The following PTCD3 variants were observed in gnomAD, a reference collection of about 807,000 sequenced individuals.
The protein encoded by PTCD3 is pentatricopeptide repeat domain 3.
Under a neutral mutation model 101.9 loss-of-function variants are expected in PTCD3, and 89 were observed. The ratio of observed to expected loss-of-function variants is 0.87; its 90% CI spans 0.74 to 1.04. PTCD3 has a LOEUF of 1.04. Ranked by LOEUF, PTCD3 falls within the 50% of genes least tolerant of loss-of-function variation. The pLI is 0.00. For missense variants in PTCD3, 870 were observed against 828.2 expected, an observed-to-expected ratio of 1.05 and a Z score of -0.62; for synonymous variants, 296 against 278.5, an observed-to-expected ratio of 1.06 and a Z score of -0.63.
rs759660903 is a variant in PTCD3 at position 86,125,481 on chromosome 2, C to T, written c.831C>T (p.Asn277=). ...ACCGAGCTTATGAGCAGGCATTAAA[C>T]TTGTACACTGAGTTACTAAACAACA... ...VKHRAYEQAL[N]LYTELLNNRL... The change falls in exon 11 of 24, where the codon AAC becomes AAT. Residue 277 remains asparagine (N), a synonymous_variant. Coordinates refer to ENST00000254630, the MANE Select transcript of PTCD3 (RefSeq NM_017952.6). 38 of 1,613,156 alleles carry T rather than the reference C, an allele frequency of 2.4e-5. 1 individual carries two copies. The African/African-American group carries it at 3.2e-4, about 14-fold the overall frequency.
rs1258744152 is a variant in PTCD3, at chr2:86,125,897, A to G, written c.951+17A>G. The G allele has an allele frequency of 6.5e-7, 1 of 1,541,338 alleles. No individual in the cohort carries two copies. Among genetic ancestry groups the G allele is most frequent in the East Asian group, 2.3e-5 (1 of 44,420 alleles). On this transcript the variant is annotated intron_variant, in intron 12 of 23. Transcript: ENST00000254630. ...AAAATACTGGTAAGGAGGAATCCTC[A>G]GTTTATTTTTTAATAGGGCTTAAAT... is the stretch of plus-strand genomic sequence containing the variant.
At position 86,137,015 on chromosome 2, in the gene PTCD3, A is replaced by C; in HGVS notation, c.1854A>C (p.Ala618=). 6.2e-7 allele frequency: 1 copy of C among 1,613,850 alleles called. No homozygotes were observed. Residue 618 remains alanine, a synonymous_variant, in exon 23 of 24, where the codon GCA becomes GCC. Coordinates refer to ENST00000254630, the MANE Select transcript of PTCD3 (RefSeq NM_017952.6). Reference sequence around the variant, plus strand: ...TGCTGAATGAGCTTATGGACAGTGCAAAAGTGTCTAACAGCCCTTCCCAGG... The same window carrying C: ...TGCTGAATGAGCTTATGGACAGTGCCAAAGTGTCTAACAGCCCTTCCCAGG... ...SELLNELMDS[A]KVSNSPSQAI...
chr2:86,133,029 C>T, intron 17 of PTCD3, 149 bp from the exon 18 acceptor site: 1 of 1,343,670 alleles, frequency 7.4e-7, no homozygotes, highest in Middle Eastern at 2.7e-4. Context: ...ACTGGCAGCT[C>T]TTAAACCAAA....
chr2:86,119,644 C>T (rs1488691242), intron 7 of PTCD3: 1 of 152,428 alleles, frequency 6.6e-6, no homozygotes, highest in Non-Finnish European at 1.5e-5. Context: ...GCGTGAGCCA[C>T]CGCGCCCAGC....
Position 86,137,104 on chromosome 2 carries a change from G to C in PTCD3, c.1943G>C (p.Arg648Thr), listed in dbSNP as rs1674600363. 1.3e-6 allele frequency: 2 copies of C among 1,596,938 alleles called. No homozygotes were observed. Among genetic ancestry groups the C allele is most frequent in the Non-Finnish European group, 1.7e-6 (2 of 1,173,144 alleles). The change falls in exon 23 of 24, where the codon AGA (arginine) becomes ACA (threonine). Residue 648 changes from arginine (R) to threonine (T), a missense_variant. By Grantham distance (71) the Arg-to-Thr change is moderately conservative. Coordinates refer to ENST00000254630, the MANE Select transcript of PTCD3 (RefSeq NM_017952.6). Reference protein sequence around the residue: ...SLPICEGLTQRVMSDFAINQE... With the variant: ...SLPICEGLTQTVMSDFAINQE... ...CCTATTTGTGAGGGCCTCACCCAGA[G>C]AGTAATGAGTGATTTTGCAATCAAC...
chr2:86,130,804 T>G, intron 15 of PTCD3, 67 bp downstream of exon 15: 1 of 1,582,088 alleles, frequency 6.3e-7, no homozygotes, highest in East Asian at 2.2e-5. Context: ...TGAGTACCAG[T>G]TAGAGGCCTT....
rs866741443 is a variant in PTCD3, at chr2:86,141,885, C to T, written c.*4326C>T. On this transcript the variant is annotated 3_prime_UTR_variant, in exon 24 of 24. Transcript: ENST00000254630. ...TCCCGGATAACCCTGGCCCTTGGGACTCCATCATCTCCTTGAAGTAGCACT... is the reference window on the plus strand; with the variant it reads ...TCCCGGATAACCCTGGCCCTTGGGATTCCATCATCTCCTTGAAGTAGCACT... 7 of 152,220 alleles carry T rather than the reference C, an allele frequency of 4.6e-5. No individual in the cohort carries two copies. The highest frequency in any genetic ancestry group is 8.8e-5 in the Non-Finnish European group (6 of 68,070). The allele number at this position is 152,220 out of a possible 1,614,324, so 9.4% of individuals were successfully genotyped here. A position where few individuals can be genotyped will look rare whatever the true frequency, so the allele number is the denominator to read the frequency against.
intron 8 of PTCD3, among the ~76,000 whole-genome samples, chr2:86,122,864 T>C (rs545164572): frequency 1.3e-5 from 2 of 152,350 alleles, no homozygotes; most frequent in East Asian, 3.9e-4. Context: ...GGCAGCAGGC[T>C]ACAGAGCCAA....
intron 1 of PTCD3, 31 bp downstream of exon 1, chr2:86,106,382 G>T: frequency 6.3e-7 from 1 of 1,599,966 alleles, no homozygotes; most frequent in South Asian, 1.1e-5. Flanking sequence ...CCGCGAAGAA[G>T]ACCGCGGAGT....
chr2:86,137,794 T>C lies in PTCD3; in HGVS notation c.*235T>C, dbSNP rs564808680. On this transcript the variant is annotated 3_prime_UTR_variant, in exon 24 of 24. Transcript: ENST00000254630. ...AAGGCTTAGCATTTAAGTAGCAACATTGCGGTTTTCAGACACATGGTGAGG... is the reference window on the plus strand; with the variant it reads ...AAGGCTTAGCATTTAAGTAGCAACACTGCGGTTTTCAGACACATGGTGAGG... 7 of 467,116 alleles carry C rather than the reference T, an allele frequency of 1.5e-5. No homozygotes were observed. The highest frequency in any genetic ancestry group is 6.9e-4 in the Middle Eastern group (1 of 1,458). 28.9% of individuals were successfully genotyped at this position (467,116 alleles called of 1,614,324 possible).
intron 3 of PTCD3, among the ~76,000 whole-genome samples, chr2:86,109,694 C>T (rs953626230): frequency 1.3e-5 from 2 of 152,170 alleles, no homozygotes; most frequent in South Asian, 2.1e-4. Flanking sequence ...TTTGGAGGAA[C>T]ATTTGCATAT....
chr2:86,131,521 T>G (rs769614743), intron 16 of PTCD3, among the ~76,000 whole-genome samples: 3 of 152,180 alleles, frequency 2.0e-5, no homozygotes, highest in Non-Finnish European at 2.9e-5. Flanking sequence ...TGGCCTAAAA[T>G]CTGTACTTTT....
At position 86,121,580 on chromosome 2, in the gene PTCD3, C is replaced by T. The variant is rs149555945; in HGVS notation, c.640C>T (p.Gln214Ter). 8.5e-5 allele frequency: 136 copies of T among 1,597,998 alleles called. No individual in the cohort carries two copies. The highest frequency in any genetic ancestry group is 1.2e-4 in the Non-Finnish European group (135 of 1,171,374). The change falls in exon 8 of 24, where the codon CAG becomes TAG. Residue 214 changes from glutamine to a stop codon, truncating the protein, a stop_gained. Transcript: ENST00000254630. LOFTEE classifies it high-confidence loss of function. The part of the protein sequence containing the change: ...STDYHFQQTG[Q>*]SEALEEENDE... ...TGATTACCATTTTCAACAAACTGGA[C>T]AGTCAGAAGCATTGGTAATAACTGT...
chr2:86,124,961 T>C (rs749649981), intron 9 of PTCD3, 34 bp from the exon 10 acceptor site: 34 of 1,609,416 alleles, frequency 2.1e-5, no homozygotes, highest in Admixed American at 3.4e-5. Context: ...GTATTTCTTA[T>C]TGCCTGGGTT....
chr2:86,108,708 A>T (rs902332180), intron 3 of PTCD3, 172 bp downstream of exon 3: 1 of 556,136 alleles, frequency 1.8e-6, no homozygotes, highest in Non-Finnish European at 3.1e-6. Context: ...GGAAAGGTGG[A>T]GAATAGTGAG....
intron 8 of PTCD3, among the ~76,000 whole-genome samples, chr2:86,122,240 C>T (rs1052528985): frequency 1.3e-5 from 2 of 152,140 alleles, no homozygotes; most frequent in Admixed American, 6.5e-5. Flanking sequence ...GGTATGGAAA[C>T]ATTCATCCAA....
At chr2:86,112,042 C>CT (rs60504138) in intron 4 of PTCD3, 2,274 of 127,300 alleles carry the variant, frequency 0.018, 63 homozygotes, top group East Asian at 0.12. Context: ...CTGCGCCAAA[C>CT]TTTTTTTTTT....
In PTCD3 at chr2:86,130,726, A is replaced by T. The variant is rs771644497; in HGVS notation, c.1226A>T (p.Asp409Val). The part of the protein sequence containing the change: ...ELMGKRFSPK[D>V]PDDDKFFQSA... ...ATGGGAAAGAGATTTTCTCCAAAGGACCCGGATGATGGCATGTATAGAAAT... is the reference window on the plus strand; with the variant it reads ...ATGGGAAAGAGATTTTCTCCAAAGGTCCCGGATGATGGCATGTATAGAAAT... Residue 409 changes from aspartate to valine, a missense_variant, in exon 15 of 24, where the codon GAC becomes GTC. Coordinates refer to ENST00000254630, the MANE Select transcript of PTCD3 (RefSeq NM_017952.6). 1 of 1,613,586 alleles carries T rather than the reference A, an allele frequency of 6.2e-7. No homozygotes were observed. The highest frequency in any genetic ancestry group is 8.5e-7 in the Non-Finnish European group (1 of 1,179,778).
At chr2:86,115,720 G>C (rs1266124368) in intron 4 of PTCD3, among the ~76,000 whole-genome samples, 2 of 152,168 alleles carry the variant, frequency 1.3e-5, no homozygotes, top group Non-Finnish European at 2.9e-5. Flanking sequence ...AAGCAATTCT[G>C]GGGCATTTCT....
Sources: allele counts gnomAD v4.1 joint callset (sites outside exome capture counted in the v4.1 genomes callset), GRCh38; gene constraint gnomAD v4.1.1; transcripts MANE v1.5; gene names NCBI Gene and HGNC (gene_info 2026-07-23, HGNC 2026-07-21).